ARK2N: variants seen among roughly 807,000 people sequenced by gnomAD.
The protein encoded by ARK2N is protein ARK2N.
chr18:46,224,989 A>G, the ARK2N span, among the ~76,000 whole-genome samples: 1 of 152,218 alleles, frequency 6.6e-6, no homozygotes. Flanking sequence ...GGATTACTTG[A>G]CAGGGGTACT....
chr18:46,209,837 G>A, the ARK2N span, among the ~76,000 whole-genome samples: 18 of 152,122 alleles, frequency 1.2e-4, no homozygotes, highest in African/African-American at 3.1e-4. Context: ...CTCGTGATCC[G>A]CCTGCCTCGG....
chr18:46,196,759 G>C, the ARK2N span, among the ~76,000 whole-genome samples: 20 of 152,186 alleles, frequency 1.3e-4, no homozygotes, highest in African/African-American at 4.8e-4. Context: ...TTACAGTCAG[G>C]TTGTCAGCTT....
At chr18:46,229,434 G>A in the ARK2N span, among the ~76,000 whole-genome samples, 30 of 144,436 alleles carry the variant, frequency 2.1e-4, no homozygotes, top group African/African-American at 6.5e-4. Flanking sequence ...TGCAAGCTCC[G>A]TCTCCCGGGT....
the ARK2N span, among the ~76,000 whole-genome samples, chr18:46,180,698 T>A: frequency 1.3e-5 from 2 of 149,352 alleles, no homozygotes; most frequent in African/African-American, 5.1e-5. Context: ...AGGGAAACTC[T>A]GTCTCAAAAA....
At chr18:46,251,728 T>C in the ARK2N span, among the ~76,000 whole-genome samples, 1 of 152,252 alleles carries the variant, frequency 6.6e-6, no homozygotes, top group Admixed American at 6.5e-5. Context: ...AGTTGCTACA[T>C]AGCACTGTAA....
the ARK2N span, among the ~76,000 whole-genome samples, chr18:46,245,996 A>G: frequency 6.6e-6 from 1 of 152,218 alleles, no homozygotes; most frequent in African/African-American, 2.4e-5. Context: ...ACAGGCAGAG[A>G]CCTACACAGA....
the ARK2N span, among the ~76,000 whole-genome samples, chr18:46,250,184 T>A: frequency 6.6e-6 from 1 of 152,140 alleles, no homozygotes; most frequent in African/African-American, 2.4e-5. Flanking sequence ...TTGACTGTCA[T>A]CTGCTTACTC....
chr18:46,226,609 C>G, the ARK2N span, among the ~76,000 whole-genome samples: 1 of 152,016 alleles, frequency 6.6e-6, no homozygotes. Context: ...TAGAAAATAC[C>G]ACAGGATTGA....
the ARK2N span, among the ~76,000 whole-genome samples, chr18:46,196,702 G>C: frequency 6.6e-6 from 1 of 152,234 alleles, no homozygotes; most frequent in East Asian, 1.9e-4. Flanking sequence ...CTGAGAGTCA[G>C]ATATTTAGGA....
chr18:46,215,717 G>A, the ARK2N span: 13 of 603,960 alleles, frequency 2.2e-5, no homozygotes, highest in South Asian at 3.0e-4. Flanking sequence ...CTGTGTAATA[G>A]TAAGTTTTGC....
At chr18:46,220,180 C>T in the ARK2N span, among the ~76,000 whole-genome samples, 1 of 152,150 alleles carries the variant, frequency 6.6e-6, no homozygotes, top group African/African-American at 2.4e-5. Flanking sequence ...AGGTAAGAGT[C>T]GGTTGTCTTG....
At chr18:46,236,303 G>A in the ARK2N span, among the ~76,000 whole-genome samples, 13 of 152,204 alleles carry the variant, frequency 8.5e-5, no homozygotes, top group Admixed American at 6.5e-4. Flanking sequence ...ATGAGGCACT[G>A]TGCCCAGCCA....
the ARK2N span, among the ~76,000 whole-genome samples, chr18:46,177,685 C>T: frequency 3.3e-5 from 5 of 151,952 alleles, no homozygotes; most frequent in African/African-American, 1.2e-4. Context: ...CCTCGGCCTC[C>T]CAAAGTGCTG....
At chr18:46,197,134 G>T in the ARK2N span, among the ~76,000 whole-genome samples, 10 of 152,150 alleles carry the variant, frequency 6.6e-5, no homozygotes, top group African/African-American at 2.2e-4. Flanking sequence ...GAACATTAAA[G>T]AATTTGTGAA....
chr18:46,257,864 C>T, the ARK2N span, among the ~76,000 whole-genome samples: 10 of 152,012 alleles, frequency 6.6e-5, no homozygotes, highest in African/African-American at 2.4e-4. Context: ...TGGGTTATTC[C>T]TCAGCAAAGT....
chr18:46,189,408 A>G, the ARK2N span, among the ~76,000 whole-genome samples: 2 of 152,136 alleles, frequency 1.3e-5, no homozygotes, highest in Non-Finnish European at 2.9e-5. Flanking sequence ...CAACCTTCAA[A>G]TACATTAGGA....
At chr18:46,220,571 A>G in the ARK2N span, among the ~76,000 whole-genome samples, 1 of 152,226 alleles carries the variant, frequency 6.6e-6, no homozygotes, top group African/African-American at 2.4e-5. Flanking sequence ...TAACATTTGA[A>G]TATGTTGTCT....
chr18:46,222,484 TAAA>T, the ARK2N span, among the ~76,000 whole-genome samples: 1 of 152,252 alleles, frequency 6.6e-6, no homozygotes, highest in Non-Finnish European at 1.5e-5. Flanking sequence ...TGATGTTAAT[TAAA>T]AAGCTTTGAA....
At chr18:46,240,660 C>T in the ARK2N span, among the ~76,000 whole-genome samples, 8 of 152,202 alleles carry the variant, frequency 5.3e-5, no homozygotes, top group Admixed American at 3.3e-4. Context: ...GTTAATTCCT[C>T]GTCAGTAAGT....
Sources: allele counts gnomAD v4.1 joint callset (sites outside exome capture counted in the v4.1 genomes callset), GRCh38; gene constraint gnomAD v4.1.1; transcripts MANE v1.5; gene names NCBI Gene and HGNC (gene_info 2026-07-23, HGNC 2026-07-21).